The following SSC5D variants were observed in gnomAD, a reference collection of about 807,000 sequenced individuals.
SSC5D encodes scavenger receptor cysteine rich family member with 5 domains.
A neutral mutation model predicts 104.6 loss-of-function variants in SSC5D; 106 were observed. The ratio of observed to expected loss-of-function variants is 1.01; its 90% CI spans 0.87 to 1.19. The LOEUF (loss-of-function observed/expected upper bound fraction) is 1.19, where lower values mean the gene tolerates loss of function less well. SSC5D is among the 50% of genes most tolerant of loss of function. The probability of loss-of-function intolerance (pLI) is 0.00; values close to 1 mark genes in which losing one functional copy is unlikely to be tolerated. For synonymous variants in SSC5D, 860 were observed against 883.5 expected (o/e 0.97, Z 0.47); for missense variants, 1,993 against 2,153.8 (o/e 0.93, Z 1.48).
intron 8 of SSC5D, among the ~76,000 whole-genome samples, chr19:55,496,685 G>A (rs941848163): frequency 5.9e-5 from 9 of 151,714 alleles, no homozygotes; most frequent in Non-Finnish European, 8.8e-5. Flanking sequence ...GTTCCAGGGC[G>A]CACGTTCTTT....
chr19:55,494,953 G>C (rs1337566679), intron 8 of SSC5D, among the ~76,000 whole-genome samples, 170 bp downstream of exon 8: 2 of 152,036 alleles, frequency 1.3e-5, no homozygotes, highest in Admixed American at 6.5e-5. Flanking sequence ...TGTTGCGTCT[G>C]GGAGCGTGTG....
Position 55,513,120 on chromosome 19 carries a change from C to T in SSC5D, c.2895C>T (p.Gly965=). ...AGKLGPTLGA[G]TTRSPGSPPT... is the part of the protein sequence containing the mutation. The stretch of plus-strand genomic sequence containing the variant: ...AACTAGGACCAACTCTTGGGGCTGG[C>T]ACCACCAGGAGCCCAGGCAGTCCTC... Residue 965 remains glycine (G), a synonymous_variant, in exon 13 of 14, where the codon GGC becomes GGT. Coordinates refer to ENST00000389623, the MANE Select transcript of SSC5D (RefSeq NM_001144950.2). The T allele has an allele frequency of 6.5e-7, 1 of 1,542,226 alleles. No individual in the cohort carries two copies. Among genetic ancestry groups the T allele is most frequent in the Non-Finnish European group, 8.8e-7 (1 of 1,141,484 alleles).
At chr19:55,507,984 T>G (rs979344808) in intron 12 of SSC5D, among the ~76,000 whole-genome samples, 7 of 152,006 alleles carry the variant, frequency 4.6e-5, no homozygotes, top group Non-Finnish European at 2.9e-5. Flanking sequence ...TTTGAGCTGA[T>G]GGAGCTGAGT....
At chr19:55,491,121 G>GA (rs1987133504) in intron 6 of SSC5D, 41 bp downstream of exon 6, 1 of 1,522,118 alleles carries the variant, frequency 6.6e-7, no homozygotes. Context: ...GTCTTCCTCA[G>GA]ACCCCAGCTC....
chr19:55,493,995 T>TGGGGGGGCCCCCCCCCCCCCCC, intron 7 of SSC5D, 83 bp downstream of exon 7: 1 of 206,968 alleles, frequency 4.8e-6, no homozygotes, highest in Non-Finnish European at 9.4e-6. Flanking sequence ...GGCGGGGGGG[T>TGGGGGGGCCCCCCCCCCCCCCC]CCCTACGCGC....
Position 55,501,337 on chromosome 19 carries a change from C to G in SSC5D, c.2785+136C>G, listed in dbSNP as rs563110993. 1.6e-5 allele frequency: 16 copies of G among 1,027,608 alleles called. No individual in the cohort carries two copies. The East Asian group carries it at 3.7e-4, about 24-fold the overall frequency. 63.7% of individuals were successfully genotyped at this position (1,027,608 alleles called of 1,614,324 possible). A position where few individuals can be genotyped will look rare whatever the true frequency, so the allele number is the denominator to read the frequency against. The stretch of plus-strand genomic sequence containing the variant: ...ACCCTGGAAAGGTTTTCCTTGGCTC[C>G]TGAGACCCTAAACGCATTACCTCCT... On this transcript the variant is annotated intron_variant, in intron 12 of 13. Coordinates refer to ENST00000389623, the MANE Select transcript of SSC5D (RefSeq NM_001144950.2).
intron 13 of SSC5D, among the ~76,000 whole-genome samples, chr19:55,513,646 G>T (rs1987807140): frequency 6.6e-6 from 1 of 152,208 alleles, no homozygotes; most frequent in African/African-American, 2.4e-5. Context: ...TTGCCCCCAA[G>T]GGGAATTTGG....
At chr19:55,515,334 TG>T (rs1284955780) in intron 13 of SSC5D, among the ~76,000 whole-genome samples, 1 of 142,320 alleles carries the variant, frequency 7.0e-6, no homozygotes, top group Non-Finnish European at 1.5e-5. Context: ...AGGCGGAGAT[TG>T]CAGCGAGCCA....
At position 55,518,319 on chromosome 19, in the gene SSC5D, A is replaced by T; in HGVS notation, c.4043A>T (p.Glu1348Val). 1 of 1,550,456 alleles carries T rather than the reference A, an allele frequency of 6.4e-7. No homozygotes were observed. Among genetic ancestry groups the T allele is most frequent in the Non-Finnish European group, 8.7e-7 (1 of 1,146,750 alleles). Reference protein sequence around the residue: ...TVSLPTSLGTELSSPTLAPTV... With the variant: ...TVSLPTSLGTVLSSPTLAPTV... ...TCCCTTCCAACCTCCTTGGGGACAG[A>T]ACTCTCCTCTCCCACTCTAGCACCA... The change falls in exon 14 of 14, where the codon GAA becomes GTA. Residue 1348 changes from glutamate to valine, a missense_variant. Physicochemically the swap from Glu to Val is moderately radical, Grantham distance 121. This residue lies in a region of SSC5D where 349 missense variants were observed against 397.6 expected (regional missense o/e 0.88). Coordinates refer to ENST00000389623, the MANE Select transcript of SSC5D (RefSeq NM_001144950.2).
chr19:55,514,859 C>T (rs564263548), intron 13 of SSC5D, among the ~76,000 whole-genome samples: 2 of 152,230 alleles, frequency 1.3e-5, no homozygotes, highest in South Asian at 4.1e-4. Flanking sequence ...CGCGGATCAT[C>T]CACAGTCTAT....
chr19:55,490,417 C>T lies in SSC5D; in HGVS notation c.586+9C>T. On this transcript the variant is annotated intron_variant, in intron 5 of 13. Transcript: ENST00000389623. ...AGGAGCCCCCCGCCAAGGTAAGCTC[C>T]CTGCAGGCTCCCCCGACCCCAAGGC... is the stretch of plus-strand genomic sequence containing the variant. The T allele has an allele frequency of 2.0e-6, 2 of 982,550 alleles. No homozygotes were observed. Among genetic ancestry groups the T allele is most frequent in the Non-Finnish European group, 3.0e-6 (2 of 673,932 alleles). The allele number at this position is 982,550 out of a possible 1,614,324, so 60.9% of individuals were successfully genotyped here. A position where few individuals can be genotyped will look rare whatever the true frequency, so the allele number is the denominator to read the frequency against.
chr19:55,514,050 G>T (rs562634345), intron 13 of SSC5D, among the ~76,000 whole-genome samples: 1 of 152,296 alleles, frequency 6.6e-6, no homozygotes, highest in African/African-American at 2.4e-5. Flanking sequence ...GATGTGGGAA[G>T]ACAGGCAACC....
chr19:55,506,815 G>A (rs1250132037), intron 12 of SSC5D, among the ~76,000 whole-genome samples: 1 of 152,136 alleles, frequency 6.6e-6, no homozygotes, highest in African/African-American at 2.4e-5. Flanking sequence ...CTAACTACTG[G>A]GAGGTAGTGT....
chr19:55,517,544 C>G lies in SSC5D; in HGVS notation c.3268C>G (p.Pro1090Ala). ...GTTGACCCCGGAGCCCTCACCCACG[C>G]CCTTACCCACCTTGCCCAAAGAGCT... is the stretch of plus-strand genomic sequence containing the variant. ...PALTPEPSPTPLPTLPKELTS... is the reference protein window; with the variant it reads ...PALTPEPSPTALPTLPKELTS... Residue 1090 changes from proline (P) to alanine (A), a missense_variant, in exon 14 of 14, where the codon CCC becomes GCC. Physicochemically the swap from Pro to Ala is conservative, Grantham distance 27 (BLOSUM62 -1). Transcript: ENST00000389623. 1.3e-6 allele frequency: 2 copies of G among 1,551,508 alleles called. No homozygotes were observed. The highest frequency in any genetic ancestry group is 1.7e-6 in the Non-Finnish European group (2 of 1,147,008).
At chr19:55,514,444 A>G (rs61027477) in intron 13 of SSC5D, among the ~76,000 whole-genome samples, 18,191 of 99,230 alleles carry the variant, frequency 0.18, 1,865 homozygotes, top group East Asian at 0.33. Flanking sequence ...AATAATAATA[A>G]TAATAATAAT....
Position 55,513,128 on chromosome 19 carries a change from G to A in SSC5D, c.2903G>A (p.Arg968Lys), listed in dbSNP as rs1987793926. The change falls in exon 13 of 14, where the codon AGG becomes AAG. Residue 968 changes from arginine (R) to lysine (K), a missense_variant. Physicochemically the swap from Arg to Lys is conservative, Grantham distance 26. Coordinates refer to ENST00000389623, the MANE Select transcript of SSC5D (RefSeq NM_001144950.2). ...CCAACTCTTGGGGCTGGCACCACCA[G>A]GAGCCCAGGCAGTCCTCCAACTCTG... ...LGPTLGAGTT[R>K]SPGSPPTLRV... 1 of 1,539,644 alleles carries A rather than the reference G, an allele frequency of 6.5e-7. No individual in the cohort carries two copies.
intron 9 of SSC5D, 31 bp from the exon 10 acceptor site, chr19:55,499,785 G>A (rs1009762347): frequency 5.2e-6 from 8 of 1,523,922 alleles, no homozygotes; most frequent in Admixed American, 4.0e-5. Context: ...TGGTGTCTCT[G>A]TCTTCTCTTC....
chr19:55,500,671 C>G lies in SSC5D; in HGVS notation c.2484C>G (p.Gly828=). 4 of 1,551,766 alleles carry G rather than the reference C, an allele frequency of 2.6e-6. No homozygotes were observed. Among genetic ancestry groups the G allele is most frequent in the Non-Finnish European group, 3.5e-6 (4 of 1,147,018 alleles). Residue 828 remains glycine, a synonymous_variant, in exon 11 of 14, where the codon GGC becomes GGG. Coordinates refer to ENST00000389623, the MANE Select transcript of SSC5D (RefSeq NM_001144950.2). The surrounding 1 kb of genome is among the most constrained non-coding windows in gnomAD (Gnocchi z 4.6). ...VRPRVGKTHY[G]PGTGPIWLDD... is the part of the protein sequence containing the mutation. ...CTCGAGTAGGCAAAACCCATTACGG[C>G]CCTGGGACTGGGCCCATCTGGCTGG...
In SSC5D at chr19:55,503,884, T is replaced by TG; in HGVS notation, c.2785+2687dup. On this transcript the variant is annotated intron_variant, in intron 12 of 13. Coordinates refer to ENST00000389623, the MANE Select transcript of SSC5D (RefSeq NM_001144950.2). The surrounding 1 kb of genome is among the most constrained non-coding windows in gnomAD (Gnocchi z 4.0). ...TGGGCCCGGGAATGGAGGGACGGGA[T>TG]GGGGCAGGCGTTCATCTGCCTCGCA... 6.6e-6 allele frequency among the ~76,000 whole-genome samples: 1 copy of TG among 152,178 alleles called. No individual in the cohort carries two copies.
Sources: allele counts gnomAD v4.1 joint callset (sites outside exome capture counted in the v4.1 genomes callset), GRCh38; gene constraint gnomAD v4.1.1; regional missense constraint gnomAD v4.1.1; non-coding constraint Gnocchi (gnomAD v3.1); transcripts MANE v1.5; gene names NCBI Gene and HGNC (gene_info 2026-07-23, HGNC 2026-07-21).